Variants in DRD3 observed in about 807,000 individuals in gnomAD.
DRD3 encodes D(3) dopamine receptor.
In DRD3, 19 loss-of-function variants were observed where a neutral mutation model predicts 36.3. The ratio of observed to expected loss-of-function variants is 0.52; its 90% CI spans 0.36 to 0.77. The LOEUF (loss-of-function observed/expected upper bound fraction) is 0.77. Ranked by LOEUF, DRD3 falls within the 30% of genes least tolerant of loss-of-function variation. The pLI is 0.00. For missense variants in DRD3, 465 were observed against 505.3 expected, an observed-to-expected ratio of 0.92 and a Z score of 0.77; for synonymous variants, 195 against 203.7, an observed-to-expected ratio of 0.96 and a Z score of 0.36.
intron 1 of DRD3, among the ~76,000 whole-genome samples, chr3:114,198,027 T>C (rs2078046399): frequency 6.6e-6 from 1 of 152,218 alleles, no homozygotes; most frequent in Admixed American, 6.5e-5. Context: ...GATCAAGTTA[T>C]ATAGATCTTC....
chr3:114,162,031 A>C, intron 2 of DRD3, among the ~76,000 whole-genome samples: 1 of 152,192 alleles, frequency 6.6e-6, no homozygotes, highest in East Asian at 1.9e-4. Flanking sequence ...TCATTCATGC[A>C]CTTGTAGAGC....
At chr3:114,178,327 A>G (rs1383146693) in intron 1 of DRD3, among the ~76,000 whole-genome samples, 1 of 152,188 alleles carries the variant, frequency 6.6e-6, no homozygotes, top group Non-Finnish European at 1.5e-5. Context: ...AAAATCCTTA[A>G]GAGGAATACA....
At chr3:114,144,668 CT>C (rs1214001269) in intron 4 of DRD3, among the ~76,000 whole-genome samples, 1 of 152,156 alleles carries the variant, frequency 6.6e-6, no homozygotes, top group African/African-American at 2.4e-5. Flanking sequence ...GATGTATAAA[CT>C]TTTCCAATAA....
At chr3:114,190,559 C>G (rs543122345) in intron 1 of DRD3, among the ~76,000 whole-genome samples, 19 of 136,194 alleles carry the variant, frequency 1.4e-4, no homozygotes, top group South Asian at 5.0e-4. Flanking sequence ...AACAGGGAAG[C>G]CATGTGGACC....
At chr3:114,173,058 T>C (rs1577620799) in intron 1 of DRD3, among the ~76,000 whole-genome samples, 2 of 151,994 alleles carry the variant, frequency 1.3e-5, no homozygotes, top group East Asian at 3.9e-4. Context: ...GGTGATTAGG[T>C]TATGAGGACA....
At chr3:114,182,334 A>G (rs2077952685), upstream of DRD3, among the ~76,000 whole-genome samples, 1 of 151,346 alleles carries the variant, frequency 6.6e-6, no homozygotes, top group African/African-American at 2.5e-5. Flanking sequence ...ACTTATTATT[A>G]TCTAATATTG....
chr3:114,147,209 C>T (rs916569865), intron 4 of DRD3, among the ~76,000 whole-genome samples: 1 of 151,904 alleles, frequency 6.6e-6, no homozygotes, highest in East Asian at 1.9e-4. Context: ...GAACTTTACC[C>T]CCTGTGCCAA....
At chr3:114,165,092 T>C (rs1187367865) in intron 2 of DRD3, among the ~76,000 whole-genome samples, 1 of 152,250 alleles carries the variant, frequency 6.6e-6, no homozygotes, top group African/African-American at 2.4e-5. Flanking sequence ...CAGTGGTTCA[T>C]AAAGGATATC....
chr3:114,166,977 G>A (rs1302055498), intron 2 of DRD3, among the ~76,000 whole-genome samples: 1 of 151,918 alleles, frequency 6.6e-6, no homozygotes, highest in African/African-American at 2.4e-5. Context: ...TATCATTTGG[G>A]GTTTTTTGAG....
chr3:114,130,459 C>G (rs1037001334), intron 6 of DRD3, among the ~76,000 whole-genome samples: 1 of 141,676 alleles, frequency 7.1e-6, no homozygotes, highest in Non-Finnish European at 1.5e-5. Flanking sequence ...GAGTCTTGCT[C>G]TGTCGCCCAG....
intron 3 of DRD3, among the ~76,000 whole-genome samples, chr3:114,149,648 T>C (rs2107850018): frequency 6.6e-6 from 1 of 152,342 alleles, no homozygotes; most frequent in Non-Finnish European, 1.5e-5. Context: ...AGGGAGATTA[T>C]CTTGAGTGGG....
At chr3:114,157,400 C>T (rs1227025104) in intron 3 of DRD3, among the ~76,000 whole-genome samples, 4 of 152,116 alleles carry the variant, frequency 2.6e-5, no homozygotes, top group Non-Finnish European at 1.5e-5. Flanking sequence ...GCCCCATACC[C>T]TTCTCATGCT....
intron 3 of DRD3, among the ~76,000 whole-genome samples, chr3:114,152,332 C>A (rs2077625619): frequency 6.6e-6 from 1 of 152,108 alleles, no homozygotes; most frequent in African/African-American, 2.4e-5. Context: ...AGCTTAGCTC[C>A]CACATATCAG....
chr3:114,143,559 T>C (rs1469485896), intron 4 of DRD3, among the ~76,000 whole-genome samples: 1 of 152,370 alleles, frequency 6.6e-6, no homozygotes. Flanking sequence ...AATTCATTGA[T>C]GGATTTGACC....
chr3:114,180,052 C>T (rs1001437908), upstream of DRD3, among the ~76,000 whole-genome samples: 8 of 151,972 alleles, frequency 5.3e-5, no homozygotes, highest in African/African-American at 1.9e-4. Flanking sequence ...AAGTGGCTGA[C>T]CCAAGATTTG....
At chr3:114,138,536 C>G (rs1459905358) in intron 5 of DRD3, among the ~76,000 whole-genome samples, 1 of 152,100 alleles carries the variant, frequency 6.6e-6, no homozygotes, top group Non-Finnish European at 1.5e-5. Flanking sequence ...GGGAAAGACC[C>G]ACCCCCATCA....
At chr3:114,142,789 C>T (rs961049477) in intron 4 of DRD3, among the ~76,000 whole-genome samples, 6 of 152,312 alleles carry the variant, frequency 3.9e-5, no homozygotes, top group South Asian at 2.1e-4. Context: ...CCCTAGTCAA[C>T]GAAGGCTCTC....
At chr3:114,156,818 T>C (rs1375884260) in intron 3 of DRD3, among the ~76,000 whole-genome samples, 1 of 69,646 alleles carries the variant, frequency 1.4e-5, no homozygotes, top group African/African-American at 4.3e-5. Flanking sequence ...TTTTCTTTCT[T>C]TTTTCTTTCT....
rs565082082 is a variant in DRD3, at chr3:114,131,517, C to A, written c.724-117G>T. The A allele has an allele frequency of 5.4e-5, 73 of 1,362,962 alleles. 2 individuals carry two copies. The South Asian group carries it at 1.1e-3, about 20-fold the overall frequency. The allele number at this position is 1,362,962 out of a possible 1,614,324, so 84.4% of individuals were successfully genotyped here. ...AAGACGGCAACACAGTTGTGGGAAA[C>A]CTACAAAGGGAACATCTGAGGGAGT... On this transcript the variant is annotated intron_variant, in intron 5 of 6. Transcript: ENST00000383673.
Sources: gnomAD v4.1 joint callset for allele counts (sites outside exome capture counted in the v4.1 genomes callset) on GRCh38, gnomAD v4.1.1 for gene constraint, MANE v1.5 for transcripts, NCBI Gene and HGNC (gene_info 2026-07-23, HGNC 2026-07-21) for gene names.